The following ATRNL1 variants were observed in gnomAD, a reference collection of about 807,000 sequenced individuals.
The protein encoded by ATRNL1 is attractin like 1.
Under a neutral mutation model 182.7 loss-of-function variants are expected in ATRNL1, and 95 were observed. That is an observed-to-expected ratio of 0.52 (90% CI 0.44 to 0.62). The LOEUF (loss-of-function observed/expected upper bound fraction) is 0.62. Among genes scored for constraint, ATRNL1 ranks in the 20% least tolerant of loss-of-function variants. The pLI, the probability that ATRNL1 is intolerant of heterozygous loss-of-function variation, is 0.00. For missense variants in ATRNL1, 1,471 were observed against 1,679.5 expected (o/e 0.88, Z 2.17); for synonymous variants, 576 against 568.3 (o/e 1.01, Z -0.19).
chr10:115,592,980 G>A (rs1169972373), intron 26 of ATRNL1, among the ~76,000 whole-genome samples: 4 of 151,644 alleles, frequency 2.6e-5, no homozygotes, highest in Non-Finnish European at 5.9e-5. Context: ...AGTCCATTTT[G>A]TGTCACTATA....
chr10:115,715,474 C>A (rs1947220441), intron 26 of ATRNL1, among the ~76,000 whole-genome samples: 1 of 152,152 alleles, frequency 6.6e-6, no homozygotes, highest in South Asian at 2.1e-4. Flanking sequence ...AATACTCATT[C>A]TTGTGGTGGC....
chr10:115,221,344 A>G (rs1031703609), intron 9 of ATRNL1, among the ~76,000 whole-genome samples: 1 of 152,266 alleles, frequency 6.6e-6, no homozygotes, highest in Admixed American at 6.5e-5. Context: ...ATAGACTGAT[A>G]TTTATTTTTT....
chr10:115,093,440 C>G lies in ATRNL1; in HGVS notation c.-311C>G, dbSNP rs879973141. Reference sequence around the variant, plus strand: ...CCTGCCGGTCAGGTCCCCTCAGGAGCGCCGGGCGCAGTCTGCGCCTCCCGC... The same window carrying G: ...CCTGCCGGTCAGGTCCCCTCAGGAGGGCCGGGCGCAGTCTGCGCCTCCCGC... On this transcript the variant is annotated 5_prime_UTR_variant, in exon 1 of 29. Transcript: ENST00000355044. This position sits in a 1 kb window ranked among gnomAD's most constrained non-coding sequence, Gnocchi z 6.1. 1.7e-4 allele frequency: 82 copies of G among 476,604 alleles called. 1 individual carries two copies. The highest frequency in any genetic ancestry group is 1.5e-3 in the South Asian group (76 of 51,624). The allele number at this position is 476,604 out of a possible 1,614,324, so 29.5% of individuals were successfully genotyped here.
At chr10:115,291,498 GTATTTATT>G (rs1187058801) in intron 15 of ATRNL1, among the ~76,000 whole-genome samples, 1 of 151,926 alleles carries the variant, frequency 6.6e-6, no homozygotes, top group Non-Finnish European at 1.5e-5. Context: ...CTAAATAAAG[GTATTTATT>G]TATTTATTTC....
intron 28 of ATRNL1, among the ~76,000 whole-genome samples, chr10:115,940,494 G>T (rs1216815569): frequency 6.6e-6 from 1 of 152,144 alleles, no homozygotes; most frequent in Non-Finnish European, 1.5e-5. Context: ...ATTTATACAT[G>T]GTCTGGGCAT....
intron 14 of ATRNL1, among the ~76,000 whole-genome samples, chr10:115,281,987 A>G (rs560072535): frequency 6.8e-6 from 1 of 146,762 alleles, no homozygotes; most frequent in Non-Finnish European, 1.5e-5. Flanking sequence ...CCCTCTCCAT[A>G]TCCCAGGGTT....
chr10:115,182,127 T>C (rs782099970), intron 8 of ATRNL1, among the ~76,000 whole-genome samples: 5 of 151,470 alleles, frequency 3.3e-5, no homozygotes, highest in Non-Finnish European at 7.4e-5. Flanking sequence ...AACAAAGAGG[T>C]TTGCTATATT....
intron 8 of ATRNL1, among the ~76,000 whole-genome samples, chr10:115,192,068 T>C (rs1257687456): frequency 6.6e-6 from 1 of 152,128 alleles, no homozygotes; most frequent in African/African-American, 2.4e-5. Flanking sequence ...TGTTGATTGT[T>C]TCCTTTGCTG....
chr10:115,268,293 G>A lies in ATRNL1; in HGVS notation c.1982-33G>A, dbSNP rs781851405. 22 of 1,216,074 alleles carry A rather than the reference G, an allele frequency of 1.8e-5. No individual in the cohort carries two copies. In the South Asian group the frequency reaches 1.9e-4, roughly 10 times the overall value. The allele number at this position is 1,216,074 out of a possible 1,614,324, so 75.3% of individuals were successfully genotyped here. The stretch of plus-strand genomic sequence containing the variant: ...TAAGAAGAGTAAGATTTTCTTTTCC[G>A]TGCTGATATATCGTCCCCCATTTGT... On this transcript the variant is annotated intron_variant, in intron 12 of 28. Transcript: ENST00000355044.
chr10:115,713,675 TTCTATCTA>T (rs56673702), intron 26 of ATRNL1, among the ~76,000 whole-genome samples: 28 of 114,300 alleles, frequency 2.4e-4, no homozygotes, highest in African/African-American at 7.9e-4. Context: ...AGGTTCTGTT[TTCTATCTA>T]TCTATCTATC....
At chr10:115,479,925 G>A (rs1554973839) in intron 24 of ATRNL1, among the ~76,000 whole-genome samples, 1 of 151,162 alleles carries the variant, frequency 6.6e-6, no homozygotes, top group Non-Finnish European at 1.5e-5. Context: ...AAATTAGATT[G>A]ACTCTCAATT....
At chr10:115,467,285 A>G in intron 23 of ATRNL1, 33 bp downstream of exon 23, 1 of 1,448,614 alleles carries the variant, frequency 6.9e-7, no homozygotes, top group Non-Finnish European at 9.6e-7. Flanking sequence ...TCTCTTTTAC[A>G]TGTGTTCCTA....
chr10:115,834,807 A>C (rs1950633126), intron 27 of ATRNL1, among the ~76,000 whole-genome samples: 1 of 152,138 alleles, frequency 6.6e-6, no homozygotes, highest in African/African-American at 2.4e-5. Flanking sequence ...TTCTTGCCTT[A>C]GTGTGATAGG....
intron 20 of ATRNL1, among the ~76,000 whole-genome samples, chr10:115,411,196 A>G (rs1471000853): frequency 6.6e-6 from 1 of 150,760 alleles, no homozygotes; most frequent in Admixed American, 6.6e-5. Flanking sequence ...GTATATATTT[A>G]AACATTTGAA....
rs1326235850 is a variant in ATRNL1 at position 115,093,896 on chromosome 10, T to A, written c.146T>A (p.Leu49His). The A allele has an allele frequency of 1.9e-6, 3 of 1,596,626 alleles. No homozygotes were observed. In the African/African-American group the frequency reaches 4.1e-5, roughly 22 times the overall value. ...AGCTGGCTGCTGTGCTATGGCTTCC[T>A]CTACCTGGCGCTCTACGCGCAGGTG... ...GNSWLLCYGF[L>H]YLALYAQVSQ... The change falls in exon 1 of 29, where the codon CTC (leucine) becomes CAC (histidine). Residue 49 changes from leucine (L) to histidine (H), a missense_variant. Leu to His is a moderately conservative substitution (Grantham distance 99). Coordinates refer to ENST00000355044, the MANE Select transcript of ATRNL1 (RefSeq NM_207303.4). This position sits in a 1 kb window ranked among gnomAD's most constrained non-coding sequence, Gnocchi z 6.1.
chr10:115,466,813 C>G (rs1848073446), intron 22 of ATRNL1, among the ~76,000 whole-genome samples: 1 of 151,064 alleles, frequency 6.6e-6, no homozygotes, highest in Non-Finnish European at 1.5e-5. Context: ...TAATCCAAAC[C>G]TGTTTCATTT....
At chr10:115,663,810 A>C (rs1555038871) in intron 26 of ATRNL1, among the ~76,000 whole-genome samples, 4 of 152,104 alleles carry the variant, frequency 2.6e-5, no homozygotes, top group African/African-American at 9.7e-5. Context: ...GGTTCCTCTA[A>C]AACTGAAGAG....
intron 26 of ATRNL1, among the ~76,000 whole-genome samples, chr10:115,670,026 T>G (rs1393605203): frequency 6.6e-6 from 1 of 152,082 alleles, no homozygotes. Flanking sequence ...AATAGAATAC[T>G]TTGAGAGGGA....
Position 115,127,710 on chromosome 10 carries a change from C to T in ATRNL1, c.609C>T (p.Asn203=), listed in dbSNP as rs1845034460. Residue 203 remains asparagine (N), a synonymous_variant, in exon 4 of 29, where the codon AAC becomes AAT. Coordinates refer to ENST00000355044, the MANE Select transcript of ATRNL1 (RefSeq NM_207303.4). Reference sequence around the variant, plus strand: ...CTGCGTATAATCTAACTGGTTTCAACATTTTCTATTCGTAAGTATTTTTTA... The same window carrying T: ...CTGCGTATAATCTAACTGGTTTCAATATTTTCTATTCGTAAGTATTTTTTA... The part of the protein sequence containing the change: ...SDAAYNLTGF[N]IFYSINSCPN... 1.2e-5 allele frequency: 18 copies of T among 1,447,576 alleles called. No homozygotes were observed. The highest frequency in any genetic ancestry group is 1.5e-5 in the African/African-American group (1 of 67,602). The allele number at this position is 1,447,576 out of a possible 1,614,324, so 89.7% of individuals were successfully genotyped here.
Sources: allele counts gnomAD v4.1 joint callset (sites outside exome capture counted in the v4.1 genomes callset), GRCh38; gene constraint gnomAD v4.1.1; non-coding constraint Gnocchi (gnomAD v3.1); transcripts MANE v1.5; gene names NCBI Gene and HGNC (gene_info 2026-07-23, HGNC 2026-07-21).